The following C17orf78 variants were observed in gnomAD, a reference collection of about 807,000 sequenced individuals.
C17orf78 encodes the protein chromosome 17 open reading frame 78.
In C17orf78, 27 loss-of-function variants were observed where a neutral mutation model predicts 31.8. The observed-to-expected ratio is 0.85, with a 90% CI of 0.63 to 1.17. The LOEUF (loss-of-function observed/expected upper bound fraction) is 1.17. Among genes scored for constraint, C17orf78 ranks in the 50% most tolerant of loss-of-function variants. The pLI, the probability that C17orf78 is intolerant of heterozygous loss-of-function variation, is 0.00. For synonymous variants in C17orf78, 106 were observed against 115.1 expected, an observed-to-expected ratio of 0.92 and a Z score of 0.51; for missense variants, 258 against 315.2, an observed-to-expected ratio of 0.82 and a Z score of 1.37.
rs1412058317 is a variant in C17orf78, at chr17:37,379,378, C to T, written c.387C>T (p.Gly129=). 1.2e-6 allele frequency: 2 copies of T among 1,613,312 alleles called. No homozygotes were observed. The highest frequency in any genetic ancestry group is 1.7e-6 in the Non-Finnish European group (2 of 1,179,584). The change falls in exon 3 of 7, where the codon GGC becomes GGT. Residue 129 remains glycine, a synonymous_variant. Coordinates refer to ENST00000615133, the MANE Select transcript of C17orf78 (RefSeq NM_173625.5). ...SKFQTGSLLK[G]KAFLPGISQC... ...TTCAGACTGGATCTCTTCTAAAAGG[C>T]AAAGGTGAGATTGGAAAAGAGGAAG...
chr17:37,389,281 C>G lies in C17orf78; in HGVS notation c.669C>G (p.Cys223Trp). ...QCLGARKLCQ[C>W]QWLWRWQKKG... Reference sequence around the variant, plus strand: ...TAGGAGCCAGGAAGCTGTGCCAATGCCAGTGGTTGTGGAGATGGCAAAAGA... The same window carrying G: ...TAGGAGCCAGGAAGCTGTGCCAATGGCAGTGGTTGTGGAGATGGCAAAAGA... Residue 223 changes from cysteine (C) to tryptophan (W), a missense_variant, in exon 6 of 7, where the codon TGC becomes TGG. Transcript: ENST00000615133. 6.3e-7 allele frequency: 1 copy of G among 1,597,052 alleles called. No individual in the cohort carries two copies. The highest frequency in any genetic ancestry group is 8.5e-7 in the Non-Finnish European group (1 of 1,171,902).
chr17:37,383,159 T>C (rs938103800), intron 3 of C17orf78, among the ~76,000 whole-genome samples: 1 of 152,176 alleles, frequency 6.6e-6, no homozygotes, highest in African/African-American at 2.4e-5. Flanking sequence ...GCAGCTGTGT[T>C]GGGGAAAAGT....
In C17orf78 at chr17:37,377,890, A is replaced by G. The variant is rs1260364941; in HGVS notation, c.70A>G (p.Ser24Gly). ...CTGCTCACCCCCAGACCTCAGAGATAGCAGTTGCCGACTGGAACAGCTGCC... is the reference window on the plus strand; with the variant it reads ...CTGCTCACCCCCAGACCTCAGAGATGGCAGTTGCCGACTGGAACAGCTGCC... ...YDANKKDLRD[S>G]SCRLEQLPGI... Residue 24 changes from serine to glycine, a missense_variant, in exon 2 of 7, where the codon AGC (serine) becomes GGC (glycine). Coordinates refer to ENST00000615133, the MANE Select transcript of C17orf78 (RefSeq NM_173625.5). The G allele has an allele frequency of 6.2e-7, 1 of 1,612,922 alleles. No homozygotes were observed. Among genetic ancestry groups the G allele is most frequent in the Non-Finnish European group, 8.5e-7 (1 of 1,179,514 alleles).
Position 37,390,330 on chromosome 17 carries a change from A to ATATATATCTATATATCTATATATC in C17orf78, c.750+972_750+973insTATCTATATATCTATATATCTATA, listed in dbSNP as rs1386032855. Among the ~76,000 whole-genome samples the ATATATATCTATATATCTATATATC allele has an allele frequency of 1.6e-3, 66 of 41,582 alleles. 6 individuals carry two copies. Among genetic ancestry groups the ATATATATCTATATATCTATATATC allele is most frequent in the Non-Finnish European group, 2.0e-3 (54 of 26,764 alleles). The allele number at this position is 41,582 out of a possible 152,430, so 27.3% of individuals were successfully genotyped here. On this transcript the variant is annotated intron_variant, in intron 6 of 6. Coordinates refer to ENST00000615133, the MANE Select transcript of C17orf78 (RefSeq NM_173625.5). ...TATATATATATATATATATATATAT[A>ATATATATCTATATATCTATATATC]TATAAAAGGCCAGCTGGGCCGGGCA...
chr17:37,389,168 T>G, intron 5 of C17orf78, 78 bp from the exon 6 acceptor site: 1 of 1,487,000 alleles, frequency 6.7e-7, no homozygotes. Context: ...TCCTTTAAGT[T>G]GCCCAACAAG....
intron 3 of C17orf78, among the ~76,000 whole-genome samples, chr17:37,382,194 C>T (rs181762801): frequency 1.1e-4 from 17 of 152,176 alleles, no homozygotes; most frequent in African/African-American, 3.9e-4. Context: ...CTGATAGTTA[C>T]TGCTAAATTA....
At chr17:37,386,154 G>A (rs1454749815) in intron 4 of C17orf78, 29 bp downstream of exon 4, 3 of 1,407,198 alleles carry the variant, frequency 2.1e-6, no homozygotes, top group South Asian at 1.2e-5. Flanking sequence ...AAATGACAAA[G>A]TACAGAATAA....
At chr17:37,389,653 C>T (rs1597783764) in intron 6 of C17orf78, among the ~76,000 whole-genome samples, 1 of 151,632 alleles carries the variant, frequency 6.6e-6, no homozygotes, top group Non-Finnish European at 1.5e-5. Flanking sequence ...TGCCATTGTA[C>T]TCCAGCCTGG....
intron 3 of C17orf78, 37 bp from the exon 4 acceptor site, chr17:37,385,972 T>C (rs182607786): frequency 1.5e-6 from 2 of 1,369,998 alleles, no homozygotes; most frequent in Admixed American, 2.2e-5. Flanking sequence ...GATAAAGTTT[T>C]CCCCTAAAGT....
intron 5 of C17orf78, 27 bp from the exon 6 acceptor site, chr17:37,389,219 T>G: frequency 6.4e-7 from 1 of 1,558,128 alleles, no homozygotes; most frequent in Non-Finnish European, 8.7e-7. Context: ...CCACTTCATA[T>G]TAATACCAGT....
intron 3 of C17orf78, 68 bp from the exon 4 acceptor site, chr17:37,385,941 A>G (rs1429300144): frequency 2.1e-5 from 23 of 1,070,568 alleles, no homozygotes; most frequent in Non-Finnish European, 3.2e-5. Context: ...GCAGGGTTTC[A>G]TCAGATAAAA....
chr17:37,387,146 G>A (rs1270977100), intron 4 of C17orf78: 1 of 151,634 alleles, frequency 6.6e-6, no homozygotes, highest in African/African-American at 2.4e-5. Context: ...TTGATATGGA[G>A]TCTCACTCTG....
chr17:37,391,876 T>A lies in C17orf78; in HGVS notation c.*152T>A. 1 of 719,966 alleles carries A rather than the reference T, an allele frequency of 1.4e-6. No individual in the cohort carries two copies. The highest frequency in any genetic ancestry group is 2.4e-6 in the Non-Finnish European group (1 of 421,542). 44.6% of individuals were successfully genotyped at this position (719,966 alleles called of 1,614,324 possible). A position where few individuals can be genotyped will look rare whatever the true frequency, so the allele number is the denominator to read the frequency against. On this transcript the variant is annotated 3_prime_UTR_variant, in exon 7 of 7. Transcript: ENST00000615133. ...GGTTAATGAAGGGAGAGTGTGGGCT[T>A]AGCAGAGTTACCCTCATGCCCCTAT...
rs2050078849 is a variant in C17orf78 at position 37,377,906 on chromosome 17, A to C, written c.86A>C (p.Glu29Ala). 6.2e-7 allele frequency: 1 copy of C among 1,612,014 alleles called. No individual in the cohort carries two copies. Among genetic ancestry groups the C allele is most frequent in the Non-Finnish European group, 8.5e-7 (1 of 1,179,218 alleles). ...CTCAGAGATAGCAGTTGCCGACTGG[A>C]ACAGCTGCCTGGGATCTTCCCAAAA... ...KDLRDSSCRLEQLPGIFPKDV... is the reference protein window; with the variant it reads ...KDLRDSSCRLAQLPGIFPKDV... Residue 29 changes from glutamate to alanine, a missense_variant, in exon 2 of 7, where the codon GAA becomes GCA. Transcript: ENST00000615133.
intron 6 of C17orf78, among the ~76,000 whole-genome samples, chr17:37,390,175 T>TATATATATATATACACAC (rs60788220): frequency 3.1e-4 from 14 of 44,512 alleles, no homozygotes; most frequent in African/African-American, 9.3e-4. Context: ...TATATATATA[T>TATATATATATATACACAC]ACACACACAC....
Position 37,377,911 on chromosome 17 carries a change from C to T in C17orf78, c.91C>T (p.Leu31=), listed in dbSNP as rs761638796. ...AGATAGCAGTTGCCGACTGGAACAG[C>T]TGCCTGGGATCTTCCCAAAAGACGT... is the stretch of plus-strand genomic sequence containing the variant. ...LRDSSCRLEQ[L]PGIFPKDVRS... The change falls in exon 2 of 7, where the codon CTG becomes TTG. Residue 31 remains leucine (L), a synonymous_variant. Coordinates refer to ENST00000615133, the MANE Select transcript of C17orf78 (RefSeq NM_173625.5). 6.2e-7 allele frequency: 1 copy of T among 1,613,662 alleles called. No homozygotes were observed. The highest frequency in any genetic ancestry group is 1.7e-5 in the Admixed American group (1 of 59,960).
intron 3 of C17orf78, among the ~76,000 whole-genome samples, chr17:37,381,078 A>G (rs1471682680): frequency 6.6e-6 from 1 of 152,070 alleles, no homozygotes; most frequent in Non-Finnish European, 1.5e-5. Context: ...CTAAGAATGT[A>G]TGAATGTGCA....
chr17:37,390,429 C>G (rs1341129847), intron 6 of C17orf78, among the ~76,000 whole-genome samples: 2 of 139,036 alleles, frequency 1.4e-5, no homozygotes, highest in African/African-American at 5.4e-5. Context: ...GAGATTGAGA[C>G]CATCCTAGCC....
intron 4 of C17orf78, 34 bp from the exon 5 acceptor site, chr17:37,388,636 T>C: frequency 6.2e-7 from 1 of 1,600,126 alleles, no homozygotes; most frequent in African/African-American, 1.3e-5. Context: ...TCAAATTTTC[T>C]TTTCTCCCTC....
Sources: gnomAD v4.1 joint callset for allele counts (sites outside exome capture counted in the v4.1 genomes callset) on GRCh38, gnomAD v4.1.1 for gene constraint, MANE v1.5 for transcripts, NCBI Gene and HGNC (gene_info 2026-07-23, HGNC 2026-07-21) for gene names.